Variants in FBXO15 observed in about 807,000 individuals in gnomAD.
FBXO15 encodes the protein F-box protein 15.
In FBXO15, 30 loss-of-function variants were observed where a neutral mutation model predicts 49.5. The ratio of observed to expected loss-of-function variants is 0.61; its 90% CI spans 0.45 to 0.82. The LOEUF is 0.82. Ranked by LOEUF, FBXO15 falls within the 40% of genes least tolerant of loss-of-function variation. The probability of loss-of-function intolerance (pLI) is 0.00; values close to 1 mark genes in which losing one functional copy is unlikely to be tolerated. For synonymous variants in FBXO15, 250 were observed against 232.7 expected, an observed-to-expected ratio of 1.07 and a Z score of -0.68; for missense variants, 591 against 631.5, an observed-to-expected ratio of 0.94 and a Z score of 0.69.
intron 8 of FBXO15, chr18:74,100,116 T>C (rs1371915304): frequency 6.6e-6 from 1 of 152,114 alleles, no homozygotes; most frequent in African/African-American, 2.4e-5. Flanking sequence ...GAATATACAT[T>C]CTATTCATCA....
chr18:74,130,700 C>T, intron 3 of FBXO15, 42 bp from the exon 4 acceptor site: 1 of 1,578,844 alleles, frequency 6.3e-7, no homozygotes, highest in Non-Finnish European at 8.6e-7. Flanking sequence ...GAGACACTGT[C>T]ACCTACCTTA....
intron 8 of FBXO15, 165 bp downstream of exon 8, chr18:74,123,203 T>G: frequency 2.9e-6 from 2 of 684,200 alleles, no homozygotes; most frequent in Non-Finnish European, 4.9e-6. Context: ...CTCGGTCCAG[T>G]GAGGACTTTC....
At chr18:74,105,619 T>C (rs56090626) in intron 8 of FBXO15, among the ~76,000 whole-genome samples, 362 of 150,502 alleles carry the variant, frequency 2.4e-3, no homozygotes, top group African/African-American at 8.3e-3. Context: ...GTTTTTTTTT[T>C]GTATTTTTAG....
intron 8 of FBXO15, among the ~76,000 whole-genome samples, chr18:74,115,579 C>G (rs931469531): frequency 3.3e-5 from 5 of 152,200 alleles, no homozygotes; most frequent in Non-Finnish European, 5.9e-5. Context: ...AAACACGAAT[C>G]CTTTGATTAT....
intron 9 of FBXO15, among the ~76,000 whole-genome samples, chr18:74,080,069 C>T (rs1415099263): frequency 6.6e-6 from 1 of 152,164 alleles, no homozygotes; most frequent in Admixed American, 6.5e-5. Context: ...TTTTATTTTA[C>T]ATTTTTTTAA....
intron 8 of FBXO15, among the ~76,000 whole-genome samples, chr18:74,118,205 C>A (rs970598288): frequency 6.6e-6 from 1 of 151,900 alleles, no homozygotes; most frequent in Non-Finnish European, 1.5e-5. Flanking sequence ...CACCATGATG[C>A]CCAGGCTGGT....
chr18:74,133,495 T>C (rs1978523235), intron 3 of FBXO15, among the ~76,000 whole-genome samples: 2 of 152,200 alleles, frequency 1.3e-5, no homozygotes, highest in African/African-American at 4.8e-5. Context: ...AATGCTAGTT[T>C]TAGATATTTG....
At chr18:74,088,433 T>A (rs1389307219) in intron 8 of FBXO15, among the ~76,000 whole-genome samples, 2 of 152,234 alleles carry the variant, frequency 1.3e-5, no homozygotes, top group Non-Finnish European at 2.9e-5. Flanking sequence ...TAGCCAGTTA[T>A]CCCTGCATCA....
intron 7 of FBXO15, 86 bp downstream of exon 7, chr18:74,124,403 A>G: frequency 3.7e-6 from 4 of 1,074,456 alleles, no homozygotes; most frequent in Non-Finnish European, 5.6e-6. Flanking sequence ...CTCTGCAGCT[A>G]TTCTCAGGAT....
At chr18:74,111,273 A>G (rs1188325782) in intron 8 of FBXO15, among the ~76,000 whole-genome samples, 1 of 151,564 alleles carries the variant, frequency 6.6e-6, no homozygotes, top group Non-Finnish European at 1.5e-5. Flanking sequence ...AAAAAAAAAA[A>G]AAAAAGAAAA....
chr18:74,128,524 T>C (rs1349162799), intron 5 of FBXO15, among the ~76,000 whole-genome samples: 1 of 151,986 alleles, frequency 6.6e-6, no homozygotes, highest in South Asian at 2.1e-4. Flanking sequence ...TCCTGAAAAG[T>C]CAAAGAATAC....
intron 8 of FBXO15, among the ~76,000 whole-genome samples, chr18:74,085,072 T>G (rs543939087): frequency 6.6e-6 from 1 of 152,214 alleles, no homozygotes; most frequent in South Asian, 2.1e-4. Flanking sequence ...CCCAAACTTA[T>G]CTATTATAGT....
rs565311193 is a variant in FBXO15, at chr18:74,114,319, G to A, written c.1138+9049C>T. Among the ~76,000 whole-genome samples the A allele has an allele frequency of 2.2e-4, 33 of 152,284 alleles. No individual in the cohort carries two copies. In the South Asian group the frequency reaches 2.5e-3, roughly 11 times the overall value. On this transcript the variant is annotated intron_variant, in intron 8 of 9. Coordinates refer to ENST00000419743, the MANE Select transcript of FBXO15 (RefSeq NM_001142958.2). ...TAAGAGCACTTTGTGTTGACTCCAT[G>A]GGGAAGGACTCTTAGCTTGCACTGG... is the stretch of plus-strand genomic sequence containing the variant.
At chr18:74,105,654 G>T (rs1007742113) in intron 8 of FBXO15, among the ~76,000 whole-genome samples, 3 of 151,792 alleles carry the variant, frequency 2.0e-5, no homozygotes, top group African/African-American at 7.3e-5. Context: ...CAGCATGTTG[G>T]TCAGGCTGGT....
chr18:74,141,094 G>A (rs1385114568), intron 1 of FBXO15, among the ~76,000 whole-genome samples: 2 of 152,176 alleles, frequency 1.3e-5, no homozygotes, highest in Admixed American at 6.5e-5. Flanking sequence ...GAAAACAGTA[G>A]TGCATCTTAG....
chr18:74,132,664 C>T (rs982971323), intron 3 of FBXO15, among the ~76,000 whole-genome samples: 4 of 152,156 alleles, frequency 2.6e-5, no homozygotes, highest in Non-Finnish European at 5.9e-5. Context: ...TTCTTGATCC[C>T]CAAATGCTCC....
chr18:74,143,121 C>A (rs1053269758), intron 1 of FBXO15, among the ~76,000 whole-genome samples: 1 of 152,028 alleles, frequency 6.6e-6, no homozygotes, highest in African/African-American at 2.4e-5. Context: ...TCCACACATA[C>A]CCTAAGCATC....
intron 3 of FBXO15, among the ~76,000 whole-genome samples, chr18:74,131,804 C>A (rs183891480): frequency 6.6e-6 from 1 of 152,234 alleles, no homozygotes; most frequent in Non-Finnish European, 1.5e-5. Context: ...AAGCAGTCAA[C>A]GGCCTGGAGG....
At chr18:74,127,692 G>A (rs1978294175) in intron 5 of FBXO15, among the ~76,000 whole-genome samples, 1 of 152,200 alleles carries the variant, frequency 6.6e-6, no homozygotes, top group Admixed American at 6.5e-5. Flanking sequence ...TCAAAGGCTG[G>A]CTGGAGTCCA....
Sources: allele counts gnomAD v4.1 joint callset (sites outside exome capture counted in the v4.1 genomes callset), GRCh38; gene constraint gnomAD v4.1.1; transcripts MANE v1.5; gene names NCBI Gene and HGNC (gene_info 2026-07-23, HGNC 2026-07-21).